Variants in RBFOX1 observed in about 807,000 individuals in gnomAD.
RBFOX1 encodes the protein RNA binding protein fox-1 homolog 1.
In RBFOX1, 8 loss-of-function variants were observed where a neutral mutation model predicts 57.7. The ratio of observed to expected loss-of-function variants is 0.14; its 90% confidence interval spans 0.08 to 0.25. The LOEUF is 0.25. RBFOX1 is among the 10% of genes least tolerant of loss of function. The probability of loss-of-function intolerance (pLI) is 1.00; values close to 1 mark genes in which losing one functional copy is unlikely to be tolerated. For synonymous variants in RBFOX1, 326 were observed against 222.4 expected, an observed-to-expected ratio of 1.47 and a Z score of -4.15; for missense variants, 611 against 548.5, an observed-to-expected ratio of 1.11 and a Z score of -1.14.
chr16:7,237,757 A>G (rs548269229), intron 4 of RBFOX1, among the ~76,000 whole-genome samples: 1 of 152,318 alleles, frequency 6.6e-6, no homozygotes, highest in South Asian at 2.1e-4. Flanking sequence ...TGCAATCCCA[A>G]CACTTTGGGA....
At chr16:6,882,239 G>C (rs1253060703) in intron 3 of RBFOX1, among the ~76,000 whole-genome samples, 4 of 152,154 alleles carry the variant, frequency 2.6e-5, no homozygotes, top group African/African-American at 4.8e-5. Context: ...CCACCTTAGA[G>C]AGATGGAGAG....
intron 14 of RBFOX1, among the ~76,000 whole-genome samples, chr16:7,702,900 A>C (rs746682070): frequency 6.6e-6 from 1 of 152,222 alleles, no homozygotes; most frequent in Non-Finnish European, 1.5e-5. Context: ...ATGAAATAGG[A>C]TGAATATCTG....
rs572336144 is a variant in RBFOX1 at position 7,676,536 on chromosome 16, G to A, written c.931-238G>A. Among the ~76,000 whole-genome samples the A allele has an allele frequency of 6.1e-4, 93 of 152,238 alleles. 2 individuals are homozygous for A. In the South Asian group the frequency reaches 0.019, roughly 32 times the overall value. Reference sequence around the variant, plus strand: ...GTACATTTTCTTCCAAGGGCCTCTAGGCTCTTCTTTTGGGATGTGCTTATG... The same window carrying A: ...GTACATTTTCTTCCAAGGGCCTCTAAGCTCTTCTTTTGGGATGTGCTTATG... On this transcript the variant is annotated intron_variant, in intron 13 of 15. Transcript: ENST00000550418.
intron 4 of RBFOX1, among the ~76,000 whole-genome samples, chr16:7,069,592 C>T (rs984932925): frequency 7.2e-5 from 11 of 152,104 alleles, no homozygotes; most frequent in East Asian, 1.9e-4. Flanking sequence ...ATTCCTTTCA[C>T]GGCCTGGGTA....
At chr16:5,739,036 ACT>A (rs1379686364) in intron 3 of RBFOX1, among the ~76,000 whole-genome samples, 1 of 150,860 alleles carries the variant, frequency 6.6e-6, no homozygotes, top group Non-Finnish European at 1.5e-5. Flanking sequence ...TTTAGAAAAA[ACT>A]CTTTTTTGCT....
chr16:6,482,432 A>G (rs1328545590), intron 2 of RBFOX1, among the ~76,000 whole-genome samples: 1 of 152,256 alleles, frequency 6.6e-6, no homozygotes, highest in Non-Finnish European at 1.5e-5. Flanking sequence ...AGATAGCTAG[A>G]ACCTGTGTAA....
chr16:5,669,654 A>C (rs868714539), intron 3 of RBFOX1, among the ~76,000 whole-genome samples: 3 of 152,182 alleles, frequency 2.0e-5, no homozygotes, highest in South Asian at 2.1e-4. Flanking sequence ...TCCTGACCTC[A>C]TGATCTGCCT....
At chr16:5,928,614 G>A (rs980991516) in intron 4 of RBFOX1, among the ~76,000 whole-genome samples, 1 of 151,270 alleles carries the variant, frequency 6.6e-6, no homozygotes, top group Non-Finnish European at 1.5e-5. Context: ...ATCCCTTCCT[G>A]CTGTCAGATT....
At chr16:6,986,673 C>A (rs1031669942) in intron 3 of RBFOX1, among the ~76,000 whole-genome samples, 1 of 152,106 alleles carries the variant, frequency 6.6e-6, no homozygotes, top group Non-Finnish European at 1.5e-5. Context: ...CCCTTCCTCT[C>A]CCTCCCCTTC....
chr16:5,785,977 C>T lies in RBFOX1; in HGVS notation c.319-81326C>T, dbSNP rs2054487724. Among the ~76,000 whole-genome samples, 3 of 152,190 alleles carry T rather than the reference C, an allele frequency of 2.0e-5. No homozygotes were observed. In the East Asian group the frequency reaches 5.8e-4, roughly 29 times the overall value. Reference sequence around the variant, plus strand: ...CCCTACCTTCATGCTCACCTCCTTACCTCCTTCTCTTGCCATTTCTCCATT... The same window carrying T: ...CCCTACCTTCATGCTCACCTCCTTATCTCCTTCTCTTGCCATTTCTCCATT... On this transcript the variant is annotated intron_variant, in intron 3 of 19. Transcript: ENST00000641259.
intron 4 of RBFOX1, among the ~76,000 whole-genome samples, chr16:7,441,205 A>G (rs1403453933): frequency 6.6e-6 from 1 of 152,204 alleles, no homozygotes; most frequent in Non-Finnish European, 1.5e-5. Flanking sequence ...CTGCATGCGC[A>G]TGACTTGGCG....
intron 4 of RBFOX1, among the ~76,000 whole-genome samples, chr16:7,314,246 G>A (rs975572869): frequency 1.4e-4 from 22 of 152,208 alleles, no homozygotes; most frequent in African/African-American, 4.6e-4. Flanking sequence ...CAGAGGAAAC[G>A]CAGTCACTGC....
At chr16:7,161,244 A>G (rs1173968900) in intron 4 of RBFOX1, among the ~76,000 whole-genome samples, 3 of 152,202 alleles carry the variant, frequency 2.0e-5, no homozygotes, top group Admixed American at 6.5e-5. Context: ...AAAGAGTGCT[A>G]TGATTGATTA....
At chr16:5,473,363 A>T (rs752551275) in intron 2 of RBFOX1, among the ~76,000 whole-genome samples, 1 of 152,036 alleles carries the variant, frequency 6.6e-6, no homozygotes, top group Non-Finnish European at 1.5e-5. Context: ...ATTGCTTATC[A>T]TCATACCTCT....
chr16:5,654,815 C>G (rs967539626), intron 3 of RBFOX1, among the ~76,000 whole-genome samples: 4 of 152,086 alleles, frequency 2.6e-5, no homozygotes, highest in African/African-American at 9.7e-5. Context: ...CTGTCCCTCG[C>G]TCTCTCCCCA....
intron 1 of RBFOX1, among the ~76,000 whole-genome samples, chr16:6,035,929 T>G (rs1378549213): frequency 1.3e-5 from 2 of 152,196 alleles, no homozygotes; most frequent in African/African-American, 4.8e-5. Context: ...CTTAAAGCAT[T>G]TGGAATTACG....
At chr16:5,872,849 AT>A (rs2057511081) in intron 4 of RBFOX1, among the ~76,000 whole-genome samples, 2 of 152,180 alleles carry the variant, frequency 1.3e-5, no homozygotes, top group African/African-American at 4.8e-5. Context: ...CTTCACTTAC[AT>A]TTGTATTAAG....
At chr16:6,161,621 A>G (rs2096880008) in intron 1 of RBFOX1, among the ~76,000 whole-genome samples, 1 of 152,164 alleles carries the variant, frequency 6.6e-6, no homozygotes, top group African/African-American at 2.4e-5. Flanking sequence ...TGACTTTCAA[A>G]TGACAAATGC....
chr16:6,651,408 A>G (rs962611302), intron 2 of RBFOX1, among the ~76,000 whole-genome samples: 6 of 152,066 alleles, frequency 3.9e-5, no homozygotes, highest in Non-Finnish European at 5.9e-5. Context: ...CTACACCCTT[A>G]TCCATCCACC....
Sources: gnomAD v4.1 joint callset for allele counts (sites outside exome capture counted in the v4.1 genomes callset) on GRCh38, gnomAD v4.1.1 for gene constraint, MANE v1.5 for transcripts, NCBI Gene and HGNC (gene_info 2026-07-23, HGNC 2026-07-21) for gene names.